The following PCDH17 variants were observed in gnomAD, a reference collection of about 807,000 sequenced individuals.
PCDH17 encodes the protein protocadherin 17, also known as protocadherin-17.
PCDH17 carries 21 observed loss-of-function variants against 67.7 expected under a neutral mutation model. The ratio of observed to expected loss-of-function variants is 0.31; its 90% confidence interval spans 0.22 to 0.45. The LOEUF (loss-of-function observed/expected upper bound fraction) is 0.45. Among genes scored for constraint, PCDH17 ranks in the 20% least tolerant of loss-of-function variants. The pLI, the probability that PCDH17 is intolerant of heterozygous loss-of-function variation, is 1.00. For missense variants in PCDH17, 1,471 were observed against 1,564.8 expected, an observed-to-expected ratio of 0.94 and a Z score of 1.01; for synonymous variants, 701 against 656.7, an observed-to-expected ratio of 1.07 and a Z score of -1.03.
chr13:57,662,043 T>G (rs774806247), intron 1 of PCDH17, among the ~76,000 whole-genome samples: 4 of 152,052 alleles, frequency 2.6e-5, no homozygotes, highest in Non-Finnish European at 1.5e-5. Flanking sequence ...TATTTTTCTT[T>G]TAGTAGACAA....
chr13:57,696,428 G>A (rs1178136653), intron 3 of PCDH17, among the ~76,000 whole-genome samples: 2 of 151,240 alleles, frequency 1.3e-5, no homozygotes, highest in African/African-American at 4.8e-5. Context: ...CATCTTAAAT[G>A]TGTAGAGAAA....
chr13:57,696,837 G>C (rs1955613637), intron 3 of PCDH17, among the ~76,000 whole-genome samples: 1 of 151,484 alleles, frequency 6.6e-6, no homozygotes, highest in Non-Finnish European at 1.5e-5. Flanking sequence ...AATTGCTAAA[G>C]TTTTTGTCTG....
intron 3 of PCDH17, among the ~76,000 whole-genome samples, chr13:57,668,104 C>T (rs1455701979): frequency 6.6e-6 from 1 of 151,672 alleles, no homozygotes; most frequent in African/African-American, 2.4e-5. Context: ...TTATTTTTAA[C>T]AAAAGCAATG....
chr13:57,668,725 A>G lies in PCDH17; in HGVS notation c.2797+1892A>G, dbSNP rs1023559486. 2.6e-5 allele frequency among the ~76,000 whole-genome samples: 4 copies of G among 152,130 alleles called. No homozygotes were observed. The East Asian group carries it at 7.7e-4, about 29-fold the overall frequency. ...AATAATTGCTAGTCTAAGAGTAAGA[A>G]TGCCACACATCCCTATTAGTAAATA... On this transcript the variant is annotated intron_variant, in intron 3 of 3. Transcript: ENST00000377918.
intron 1 of PCDH17, among the ~76,000 whole-genome samples, chr13:57,645,736 A>G (rs1954957486): frequency 6.6e-6 from 1 of 151,172 alleles, no homozygotes; most frequent in Admixed American, 6.6e-5. Flanking sequence ...TATAAATGGT[A>G]CATCAAGAGG....
chr13:57,721,987 G>GTGTCCATTCAA (rs1376315651), intron 3 of PCDH17, among the ~76,000 whole-genome samples: 1 of 152,064 alleles, frequency 6.6e-6, no homozygotes, highest in African/African-American at 2.4e-5. Flanking sequence ...TTGTACAAAA[G>GTGTCCATTCAA]TGTCCATTCA....
chr13:57,631,872 A>G lies in PCDH17; in HGVS notation c.-675A>G, dbSNP rs2137964453. 1.3e-5 allele frequency: 2 copies of G among 152,444 alleles called. No individual in the cohort carries two copies. The highest frequency in any genetic ancestry group is 6.8e-3 in the Middle Eastern group (2 of 294). 9.4% of individuals were successfully genotyped at this position (152,444 alleles called of 1,614,324 possible). On this transcript the variant is annotated 5_prime_UTR_variant, in exon 1 of 4. Transcript: ENST00000377918. ...AATGCAAGATTAGATCTCTAAATGC[A>G]GCAAAACACTGCCTGAAAACAGACC...
intron 1 of PCDH17, among the ~76,000 whole-genome samples, chr13:57,646,626 A>G (rs971535922): frequency 2.0e-5 from 3 of 151,900 alleles, no homozygotes; most frequent in Admixed American, 2.0e-4. Flanking sequence ...TAGCTGAAAT[A>G]AAAAGTGAAG....
chr13:57,685,054 T>G (rs1189630883), intron 3 of PCDH17, among the ~76,000 whole-genome samples: 1 of 151,930 alleles, frequency 6.6e-6, no homozygotes. Flanking sequence ...TTAATTTGCT[T>G]TGGTTCAACA....
intron 3 of PCDH17, among the ~76,000 whole-genome samples, chr13:57,719,219 ATGT>A (rs1439577492): frequency 6.6e-6 from 1 of 152,038 alleles, no homozygotes; most frequent in Non-Finnish European, 1.5e-5. Flanking sequence ...TAATATTAAG[ATGT>A]TGTTAGAAAT....
chr13:57,659,103 TTGTGTGTG>T (rs71083322), intron 1 of PCDH17, among the ~76,000 whole-genome samples: 7 of 139,748 alleles, frequency 5.0e-5, no homozygotes, highest in East Asian at 2.1e-4. Flanking sequence ...GTTATTTATA[TTGTGTGTG>T]TGTGTGTGTG....
At chr13:57,700,935 A>C (rs1264287826) in intron 3 of PCDH17, among the ~76,000 whole-genome samples, 1 of 152,056 alleles carries the variant, frequency 6.6e-6, no homozygotes, top group Non-Finnish European at 1.5e-5. Context: ...AGGTTGAGGC[A>C]GGAGGAACAA....
intron 3 of PCDH17, among the ~76,000 whole-genome samples, 196 bp from the exon 4 acceptor site, chr13:57,724,416 T>G (rs1955895658): frequency 6.6e-6 from 1 of 152,196 alleles, no homozygotes; most frequent in Non-Finnish European, 1.5e-5. Flanking sequence ...CTCTAGAGAA[T>G]AGACTTAAAT....
At chr13:57,690,522 G>T (rs1383668547) in intron 3 of PCDH17, among the ~76,000 whole-genome samples, 1 of 151,558 alleles carries the variant, frequency 6.6e-6, no homozygotes, top group Non-Finnish European at 1.5e-5. Context: ...AGATAGAACA[G>T]TTTAGAAAAC....
At chr13:57,667,649 A>C (rs1955270545) in intron 3 of PCDH17, among the ~76,000 whole-genome samples, 1 of 151,582 alleles carries the variant, frequency 6.6e-6, no homozygotes, top group Non-Finnish European at 1.5e-5. Context: ...ATTTAGACTT[A>C]TTATTTCAGT....
At position 57,634,139 on chromosome 13, in the gene PCDH17, C is replaced by G; in HGVS notation, c.1593C>G (p.Asn531Lys). The change falls in exon 1 of 4, where the codon AAC (asparagine) becomes AAG (lysine). Residue 531 changes from asparagine to lysine, a missense_variant. Around this residue, in one of 3 missense-constraint regions of PCDH17, gnomAD observed 1,163 missense variants for 1,230.0 expected, o/e 0.95. Coordinates refer to ENST00000377918, the MANE Select transcript of PCDH17 (RefSeq NM_001040429.3). This position sits in a 1 kb window ranked among gnomAD's most constrained non-coding sequence, Gnocchi z 7.8. ...IYTYVSVNPT[N>K]GAIYALRSFN... ...CCTATGTGTCTGTGAATCCCACGAA[C>G]GGGGCCATCTACGCCCTGCGCTCCT... is the stretch of plus-strand genomic sequence containing the variant. 6.2e-7 allele frequency: 1 copy of G among 1,613,700 alleles called. No individual in the cohort carries two copies. Among genetic ancestry groups the G allele is most frequent in the Non-Finnish European group, 8.5e-7 (1 of 1,180,032 alleles).
At position 57,632,662 on chromosome 13, in the gene PCDH17, G is replaced by A. The variant is rs373973582; in HGVS notation, c.116G>A (p.Gly39Asp). 5.0e-6 allele frequency: 8 copies of A among 1,612,152 alleles called. No individual in the cohort carries two copies. The African/African-American group carries it at 9.3e-5, about 19-fold the overall frequency. ...GCCGGCACGGTGATCGGGAACATCG[G>A]CAGGGATGCTCGACTGCAGCCTGGG... is the stretch of plus-strand genomic sequence containing the variant. ...QGAGTVIGNIGRDARLQPGLP... is the reference protein window; with the variant it reads ...QGAGTVIGNIDRDARLQPGLP... Residue 39 changes from glycine (G) to aspartate (D), a missense_variant, in exon 1 of 4, where the codon GGC becomes GAC. By Grantham distance (94) the Gly-to-Asp change is moderately conservative. Transcript: ENST00000377918.
chr13:57,635,220 A>G, intron 1 of PCDH17, 109 bp downstream of exon 1: 1 of 1,096,716 alleles, frequency 9.1e-7, no homozygotes. Context: ...TGAGGGGGAA[A>G]AATAATTAAA....
At chr13:57,683,865 T>G (rs1955481401) in intron 3 of PCDH17, among the ~76,000 whole-genome samples, 1 of 151,900 alleles carries the variant, frequency 6.6e-6, no homozygotes, top group Non-Finnish European at 1.5e-5. Flanking sequence ...TTTAGGTAAG[T>G]TCACCTAAAC....
Sources: allele counts gnomAD v4.1 joint callset (sites outside exome capture counted in the v4.1 genomes callset), GRCh38; gene constraint gnomAD v4.1.1; regional missense constraint gnomAD v4.1.1; non-coding constraint Gnocchi (gnomAD v3.1); transcripts MANE v1.5; gene names NCBI Gene and HGNC (gene_info 2026-07-23, HGNC 2026-07-21).